SCN11A: variants seen among roughly 807,000 people sequenced by gnomAD.
The protein encoded by SCN11A is sodium channel protein type 11 subunit alpha.
Under a neutral mutation model 162.2 loss-of-function variants are expected in SCN11A, and 122 were observed. That is an observed-to-expected ratio of 0.75 (90% CI 0.65 to 0.87). The LOEUF (loss-of-function observed/expected upper bound fraction) is 0.87, where lower values mean the gene tolerates loss of function less well. SCN11A is among the 40% of genes least tolerant of loss of function. SCN11A has a pLI of 0.00. For missense variants in SCN11A, 2,015 were observed against 2,181.6 expected, an observed-to-expected ratio of 0.92 and a Z score of 1.52; for synonymous variants, 758 against 751.5, an observed-to-expected ratio of 1.01 and a Z score of -0.14.
chr3:39,019,177 A>G (rs1318834102), intron 2 of SCN11A, among the ~76,000 whole-genome samples: 1 of 152,198 alleles, frequency 6.6e-6, no homozygotes, highest in Non-Finnish European at 1.5e-5. Context: ...ATTCCTGCAG[A>G]TAACATTAAT....
chr3:39,013,797 C>T (rs2031211519), intron 2 of SCN11A, among the ~76,000 whole-genome samples: 2 of 152,202 alleles, frequency 1.3e-5, no homozygotes. Flanking sequence ...CTAAGATCTC[C>T]AAGGGATATG....
Position 38,883,225 on chromosome 3 carries a change from T to C in SCN11A, c.3219+8A>G, listed in dbSNP as rs1317656649. ...GCCCAATGTCTCCACAAGACAATGA[T>C]GATTTACCAGTGCCCCACTGCTCAG... On this transcript the variant is annotated splice_region_variant and intron_variant, in intron 22 of 29. Coordinates refer to ENST00000302328, the MANE Select transcript of SCN11A (RefSeq NM_001349253.2). The C allele has an allele frequency of 1.9e-6, 3 of 1,610,280 alleles. No homozygotes were observed. The highest frequency in any genetic ancestry group is 3.3e-5 in the Admixed American group (2 of 59,746).
In SCN11A at chr3:39,016,305, G is replaced by A. The variant is rs115984707; in HGVS notation, c.-280+16075C>T. Among the ~76,000 whole-genome samples the A allele has an allele frequency of 7.8e-3, 1,185 of 152,326 alleles. 9 individuals are homozygous for A. Among genetic ancestry groups the A allele is most frequent in the African/African-American group, 0.027 (1,105 of 41,580 alleles). On this transcript the variant is annotated intron_variant, in intron 2 of 29. Coordinates refer to ENST00000302328, the MANE Select transcript of SCN11A (RefSeq NM_001349253.2). ...ATTCTCAGGTATCTGGGGTAAGATG[G>A]CTTTAGTTGTTCAGGGGTGATCCCC...
intron 2 of SCN11A, among the ~76,000 whole-genome samples, chr3:39,031,163 C>T (rs1310448707): frequency 6.6e-6 from 1 of 152,138 alleles, no homozygotes; most frequent in Non-Finnish European, 1.5e-5. Context: ...AACTGTTGAA[C>T]AATGAACCAT....
intron 7 of SCN11A, among the ~76,000 whole-genome samples, chr3:38,929,543 T>C (rs1202260656): frequency 6.6e-6 from 1 of 152,202 alleles, no homozygotes; most frequent in Non-Finnish European, 1.5e-5. Flanking sequence ...AGACGGTATC[T>C]TTTATGTTAT....
At chr3:39,012,646 A>C (rs2031180097) in intron 2 of SCN11A, among the ~76,000 whole-genome samples, 2 of 151,992 alleles carry the variant, frequency 1.3e-5, no homozygotes, top group African/African-American at 4.8e-5. Context: ...GTACCCAGCT[A>C]ATTTTTGTAT....
chr3:38,878,005 G>T (rs1263225048), intron 23 of SCN11A, among the ~76,000 whole-genome samples: 1 of 151,488 alleles, frequency 6.6e-6, no homozygotes, highest in Non-Finnish European at 1.5e-5. Context: ...TAATACAATG[G>T]ACTCTGGGGA....
intron 2 of SCN11A, among the ~76,000 whole-genome samples, chr3:38,984,343 T>C (rs1052854578): frequency 2.0e-5 from 3 of 152,206 alleles, no homozygotes; most frequent in African/African-American, 7.2e-5. Flanking sequence ...CTTCCCATAA[T>C]TGTTATTTTA....
intron 2 of SCN11A, among the ~76,000 whole-genome samples, chr3:39,010,681 G>A (rs1045343876): frequency 2.0e-5 from 3 of 152,076 alleles, no homozygotes; most frequent in Admixed American, 2.0e-4. Flanking sequence ...CCCAGCCCGT[G>A]AGCCACCCTG....
chr3:39,049,906 A>C (rs758711933), intron 1 of SCN11A, among the ~76,000 whole-genome samples: 4 of 152,136 alleles, frequency 2.6e-5, no homozygotes, highest in Non-Finnish European at 4.4e-5. Flanking sequence ...ACATCAAAAC[A>C]TACTGGTGAA....
Position 38,894,521 on chromosome 3 carries a change from G to T in SCN11A, c.2835+12C>A. ...TTGTATGACCTTTAAGTCTATGTGT[G>T]AACCTTCATACCTGTTGTTCAGGCT... On this transcript the variant is annotated intron_variant, in intron 19 of 29. Coordinates refer to ENST00000302328, the MANE Select transcript of SCN11A (RefSeq NM_001349253.2). The T allele has an allele frequency of 1.3e-6, 2 of 1,581,718 alleles. No individual in the cohort carries two copies. The highest frequency in any genetic ancestry group is 1.2e-5 in the South Asian group (1 of 84,176).
chr3:38,858,761 A>T (rs565485236), intron 28 of SCN11A, among the ~76,000 whole-genome samples: 1 of 152,320 alleles, frequency 6.6e-6, no homozygotes, highest in Non-Finnish European at 1.5e-5. Context: ...GAGATAGACC[A>T]TATGATAGAT....
At chr3:39,037,840 C>A (rs763919050) in intron 1 of SCN11A, among the ~76,000 whole-genome samples, 2 of 152,058 alleles carry the variant, frequency 1.3e-5, no homozygotes, top group African/African-American at 2.4e-5. Flanking sequence ...GGATGTTAAA[C>A]CTTTCATATT....
rs1384287764 is a variant in SCN11A at position 38,870,801 on chromosome 3, T to C, written c.3760-57A>G. ...CAAATGTAGACTTGCCATCAACAGATACATGGCATGGAAAAGCAGGTGAGG... is the reference window on the plus strand; with the variant it reads ...CAAATGTAGACTTGCCATCAACAGACACATGGCATGGAAAAGCAGGTGAGG... On this transcript the variant is annotated intron_variant, in intron 25 of 29. Coordinates refer to ENST00000302328, the MANE Select transcript of SCN11A (RefSeq NM_001349253.2). The C allele has an allele frequency of 4.0e-6, 6 of 1,500,608 alleles. No individual in the cohort carries two copies. In the African/African-American group the frequency reaches 4.1e-5, roughly 10 times the overall value. 93.0% of individuals were successfully genotyped at this position (1,500,608 alleles called of 1,614,324 possible). A position where few individuals can be genotyped will look rare whatever the true frequency, so the allele number is the denominator to read the frequency against.
At chr3:38,886,957 A>C (rs2065410538) in intron 19 of SCN11A, among the ~76,000 whole-genome samples, 1 of 152,126 alleles carries the variant, frequency 6.6e-6, no homozygotes, top group Non-Finnish European at 1.5e-5. Context: ...TCCAAGTCTC[A>C]AGATACAACT....
intron 11 of SCN11A, among the ~76,000 whole-genome samples, chr3:38,912,551 T>C (rs2065900366): frequency 6.6e-6 from 1 of 152,186 alleles, no homozygotes; most frequent in Admixed American, 6.6e-5. Flanking sequence ...TCACAGGGGC[T>C]TGTTGTACAG....
intron 27 of SCN11A, 110 bp downstream of exon 27, chr3:38,867,211 G>T: frequency 9.8e-7 from 1 of 1,015,320 alleles, no homozygotes; most frequent in Non-Finnish European, 1.5e-6. Flanking sequence ...TTGTTATTGT[G>T]CAGATCATAA....
intron 2 of SCN11A, among the ~76,000 whole-genome samples, chr3:39,016,133 G>A (rs947849077): frequency 6.6e-6 from 1 of 152,208 alleles, no homozygotes; most frequent in Non-Finnish European, 1.5e-5. Context: ...TTAAAGTGAA[G>A]TCTAGCTTCA....
intron 11 of SCN11A, among the ~76,000 whole-genome samples, chr3:38,912,902 C>T (rs2065905434): frequency 6.6e-6 from 1 of 152,106 alleles, no homozygotes; most frequent in South Asian, 2.1e-4. Flanking sequence ...AGGTTGCTTC[C>T]ATGTCTTTGC....
Sources: allele counts gnomAD v4.1 joint callset (sites outside exome capture counted in the v4.1 genomes callset), GRCh38; gene constraint gnomAD v4.1.1; transcripts MANE v1.5; gene names NCBI Gene and HGNC (gene_info 2026-07-23, HGNC 2026-07-21).